The following PACSIN2 variants were observed in gnomAD, a reference collection of about 807,000 sequenced individuals.
The protein encoded by PACSIN2 is protein kinase C and casein kinase substrate in neurons protein 2.
In PACSIN2, 25 loss-of-function variants were observed where a neutral mutation model predicts 63.8. The observed-to-expected ratio is 0.39, with a 90% CI of 0.29 to 0.55. The LOEUF is 0.55. Among genes scored for constraint, PACSIN2 ranks in the 20% least tolerant of loss-of-function variants. The pLI, the probability that PACSIN2 is intolerant of heterozygous loss-of-function variation, is 0.62. For missense variants in PACSIN2, 518 were observed against 646.9 expected, an observed-to-expected ratio of 0.80 and a Z score of 2.16; for synonymous variants, 255 against 256.2, an observed-to-expected ratio of 1.00 and a Z score of 0.05.
intron 1 of PACSIN2, among the ~76,000 whole-genome samples, chr22:42,983,468 C>A (rs1049904320): frequency 1.5e-4 from 17 of 111,692 alleles, no homozygotes; most frequent in African/African-American, 5.9e-4. Context: ...CCAGCCTGGA[C>A]AACAGAGTGA....
intron 2 of PACSIN2, among the ~76,000 whole-genome samples, chr22:42,896,563 G>C (rs1930302654): frequency 6.6e-6 from 1 of 152,142 alleles, no homozygotes; most frequent in African/African-American, 2.4e-5. Context: ...TTTCAGTTTG[G>C]GGGAATTATG....
Position 42,871,136 on chromosome 22 carries a change from CTGT to C in PACSIN2, c.*218_*220del, listed in dbSNP as rs1311043330. On this transcript the variant is annotated 3_prime_UTR_variant, in exon 11 of 11. Coordinates refer to ENST00000263246, the MANE Select transcript of PACSIN2 (RefSeq NM_001184970.3). The surrounding 1 kb of genome is among the most constrained non-coding windows in gnomAD (Gnocchi z 5.4). The stretch of plus-strand genomic sequence containing the variant: ...AGTGGGCGGGGAGGGGCGGCTATTT[CTGT>C]TGTTCTGCGTCTTCCTGCGCTCAGA... 95 of 580,126 alleles carry C rather than the reference CTGT, an allele frequency of 1.6e-4. 1 individual carries two copies. The South Asian group carries it at 1.8e-3, about 11-fold the overall frequency. 35.9% of individuals were successfully genotyped at this position (580,126 alleles called of 1,614,324 possible).
At chr22:42,917,669 C>T (rs761319156) in intron 1 of PACSIN2, among the ~76,000 whole-genome samples, 3 of 152,104 alleles carry the variant, frequency 2.0e-5, no homozygotes, top group Non-Finnish European at 2.9e-5. Flanking sequence ...TGCGGTGTGC[C>T]GTGATGAACT....
chr22:42,923,552 C>T (rs1807570), intron 1 of PACSIN2, among the ~76,000 whole-genome samples: 65,017 of 151,988 alleles, frequency 0.43, 14,507 homozygotes, highest in Non-Finnish European at 0.48. Context: ...CTCAGCCTCC[C>T]GAGTAGCTGG....
At chr22:42,979,378 G>C (rs1444140649) in intron 1 of PACSIN2, among the ~76,000 whole-genome samples, 2 of 151,836 alleles carry the variant, frequency 1.3e-5, no homozygotes, top group African/African-American at 4.8e-5. Flanking sequence ...ACAAAAATTA[G>C]CCAAGCGTGG....
chr22:42,891,123 C>A lies in PACSIN2; in HGVS notation c.277G>T (p.Val93Leu), dbSNP rs748813771. The A allele has an allele frequency of 1.1e-5, 17 of 1,614,028 alleles. No individual in the cohort carries two copies. The highest frequency in any genetic ancestry group is 1.2e-5 in the Non-Finnish European group (14 of 1,180,022). ...WMAFMSEAER[V>L]SELHLEVKAS... Reference sequence around the variant, plus strand: ...TTCACCTCGAGGTGCAGCTCGCTCACCCTCTCTGCCTCGGACATGAAGGCC... The same window carrying A: ...TTCACCTCGAGGTGCAGCTCGCTCAACCTCTCTGCCTCGGACATGAAGGCC... Residue 93 changes from valine to leucine, a missense_variant, in exon 4 of 11, where the codon GTG becomes TTG. Transcript: ENST00000263246.
At chr22:42,877,906 A>AC (rs1349171806) in intron 8 of PACSIN2, among the ~76,000 whole-genome samples, 1 of 152,066 alleles carries the variant, frequency 6.6e-6, no homozygotes, top group Non-Finnish European at 1.5e-5. Context: ...AGCACCCACC[A>AC]CCCCAGAACC....
intron 1 of PACSIN2, among the ~76,000 whole-genome samples, chr22:42,973,464 T>G (rs1921471136): frequency 6.6e-6 from 1 of 152,246 alleles, no homozygotes; most frequent in Admixed American, 6.5e-5. Flanking sequence ...GCTTCCTCCT[T>G]TAACTTCTCA....
chr22:43,003,333 G>C (rs918347626), intron 1 of PACSIN2, among the ~76,000 whole-genome samples: 1 of 152,128 alleles, frequency 6.6e-6, no homozygotes, highest in Non-Finnish European at 1.5e-5. Context: ...TCGGCTGGGC[G>C]CGGTGGCTCA....
intron 1 of PACSIN2, among the ~76,000 whole-genome samples, chr22:42,955,309 G>A (rs954959508): frequency 5.3e-5 from 8 of 151,996 alleles, no homozygotes; most frequent in African/African-American, 1.5e-4. Flanking sequence ...ACAAACAAAC[G>A]AACGAACGAA....
intron 1 of PACSIN2, among the ~76,000 whole-genome samples, chr22:43,014,321 T>TCCTCAGAC (rs1555951518): frequency 7.7e-6 from 1 of 130,450 alleles, no homozygotes; most frequent in Non-Finnish European, 1.7e-5. Flanking sequence ...CCCCCCGCCC[T>TCCTCAGAC]ACACACACAC....
intron 1 of PACSIN2, among the ~76,000 whole-genome samples, chr22:42,954,626 A>G (rs1290704239): frequency 4.6e-5 from 7 of 152,160 alleles, no homozygotes; most frequent in African/African-American, 1.7e-4. Context: ...TGACTTTTTA[A>G]TTTTAGTCAA....
At chr22:42,894,292 G>A (rs549026728) in intron 2 of PACSIN2, among the ~76,000 whole-genome samples, 3 of 152,158 alleles carry the variant, frequency 2.0e-5, no homozygotes, top group Admixed American at 6.5e-5. Context: ...TCAGGCTGGA[G>A]TGCAGTGGCA....
intron 1 of PACSIN2, among the ~76,000 whole-genome samples, chr22:42,983,282 A>T (rs1033287264): frequency 2.7e-5 from 4 of 148,042 alleles, no homozygotes; most frequent in African/African-American, 1.0e-4. Context: ...GTGCCACTGC[A>T]CTCCAGCCCA....
intron 1 of PACSIN2, among the ~76,000 whole-genome samples, chr22:42,931,199 C>T (rs965227107): frequency 5.9e-5 from 9 of 152,236 alleles, no homozygotes; most frequent in Middle Eastern, 3.2e-3. Flanking sequence ...CTGGCTTACA[C>T]GAGGCAATGA....
intron 1 of PACSIN2, among the ~76,000 whole-genome samples, chr22:42,981,668 C>T (rs1346403584): frequency 1.5e-4 from 18 of 122,010 alleles, no homozygotes; most frequent in East Asian, 2.7e-4. Context: ...GCCCCCCGCC[C>T]GGCCAGCCGC....
intron 1 of PACSIN2, among the ~76,000 whole-genome samples, chr22:42,967,874 C>T (rs757428102): frequency 2.0e-4 from 31 of 152,096 alleles, no homozygotes; most frequent in African/African-American, 4.1e-4. Flanking sequence ...GGCCGCAGAG[C>T]GAGACTCCAT....
At chr22:42,872,359 T>C (rs1465662610) in intron 10 of PACSIN2, among the ~76,000 whole-genome samples, 2 of 152,218 alleles carry the variant, frequency 1.3e-5, no homozygotes, top group South Asian at 2.1e-4. Flanking sequence ...GGAAGGCCAG[T>C]TGGGCCTGCT....
chr22:42,951,589 C>T (rs1161218008), intron 1 of PACSIN2, among the ~76,000 whole-genome samples: 1 of 152,200 alleles, frequency 6.6e-6, no homozygotes, highest in South Asian at 2.1e-4. Flanking sequence ...TCCTCCAGGA[C>T]ACAGCTGCTC....
Sources: gnomAD v4.1 joint callset for allele counts (sites outside exome capture counted in the v4.1 genomes callset) on GRCh38, gnomAD v4.1.1 for gene constraint, Gnocchi (gnomAD v3.1) non-coding constraint, MANE v1.5 for transcripts, NCBI Gene and HGNC (gene_info 2026-07-23, HGNC 2026-07-21) for gene names.